The following IGDCC3 variants were observed in gnomAD, a reference collection of about 807,000 sequenced individuals.
The protein encoded by IGDCC3 is immunoglobulin superfamily DCC subclass member 3.
Under a neutral mutation model 72.0 loss-of-function variants are expected in IGDCC3, and 47 were observed. The ratio of observed to expected loss-of-function variants is 0.65; its 90% CI spans 0.52 to 0.83. The LOEUF is 0.83. IGDCC3 is among the 40% of genes least tolerant of loss of function. IGDCC3 has a pLI of 0.00. For synonymous variants in IGDCC3, 477 were observed against 472.8 expected (o/e 1.01, Z -0.11); for missense variants, 1,038 against 1,091.3 (o/e 0.95, Z 0.69).
intron 11 of IGDCC3, 71 bp downstream of exon 11, chr15:65,330,222 C>T: frequency 9.1e-7 from 1 of 1,102,680 alleles, no homozygotes; most frequent in Non-Finnish European, 1.4e-6. Flanking sequence ...AAGCGTGGCA[C>T]ATGCTATCTC....
chr15:65,374,487 G>A (rs1395630342), intron 2 of IGDCC3, among the ~76,000 whole-genome samples: 1 of 152,096 alleles, frequency 6.6e-6, no homozygotes, highest in African/African-American at 2.4e-5. Context: ...ATCTTGCCTC[G>A]CCTTTTCTCT....
intron 2 of IGDCC3, among the ~76,000 whole-genome samples, chr15:65,374,303 G>T (rs1213057932): frequency 2.0e-5 from 3 of 151,988 alleles, no homozygotes; most frequent in Admixed American, 6.6e-5. Context: ...CCCACAGCTC[G>T]CCACCTCCCT....
chr15:65,358,190 C>T (rs2091238197), intron 2 of IGDCC3, among the ~76,000 whole-genome samples: 1 of 151,480 alleles, frequency 6.6e-6, no homozygotes, highest in African/African-American at 2.4e-5. Context: ...ACTGCAGCCT[C>T]AACCTCTCAG....
chr15:65,347,937 A>AAAC (rs138666608), intron 2 of IGDCC3, among the ~76,000 whole-genome samples: 41,434 of 150,578 alleles, frequency 0.28, 5,884 homozygotes, highest in East Asian at 0.45. Context: ...ATTTCATCTC[A>AAAC]AACAACAACA....
At chr15:65,370,604 G>GTA (rs201787651) in intron 2 of IGDCC3, among the ~76,000 whole-genome samples, 16,901 of 105,692 alleles carry the variant, frequency 0.16, 1,311 homozygotes, top group African/African-American at 0.23. Context: ...ATATGTATGT[G>GTA]TATATATATG....
intron 4 of IGDCC3, 147 bp downstream of exon 4, chr15:65,335,144 C>A: frequency 1.1e-6 from 1 of 905,434 alleles, no homozygotes. Flanking sequence ...TCCTGTGCAC[C>A]CTCACGCCAG....
chr15:65,360,417 A>C (rs1011737698), intron 2 of IGDCC3, among the ~76,000 whole-genome samples: 3 of 152,240 alleles, frequency 2.0e-5, no homozygotes, highest in African/African-American at 7.2e-5. Context: ...AATGGAGTCA[A>C]GAATATTCTA....
chr15:65,377,517 C>A lies in IGDCC3; in HGVS notation c.103+169G>T, dbSNP rs991883406. On this transcript the variant is annotated intron_variant, in intron 1 of 13. Transcript: ENST00000327987. This position sits in a 1 kb window ranked among gnomAD's most constrained non-coding sequence, Gnocchi z 4.9. ...CACGCCCCTAGGGCCCCCAGCAGTCCGGCCTTGGTACCCTCTCCCCGTCCG... is the reference window on the plus strand; with the variant it reads ...CACGCCCCTAGGGCCCCCAGCAGTCAGGCCTTGGTACCCTCTCCCCGTCCG... 6.6e-6 allele frequency among the ~76,000 whole-genome samples: 1 copy of A among 152,170 alleles called. No homozygotes were observed. The highest frequency in any genetic ancestry group is 1.5e-5 in the Non-Finnish European group (1 of 68,008).
intron 5 of IGDCC3, among the ~76,000 whole-genome samples, chr15:65,333,624 TC>T (rs2090999061): frequency 6.6e-6 from 1 of 152,156 alleles, no homozygotes; most frequent in Non-Finnish European, 1.5e-5. Context: ...GGAGACCCTG[TC>T]CTGACCCTAG....
chr15:65,330,232 C>T, intron 11 of IGDCC3, 61 bp downstream of exon 11: 1 of 1,216,682 alleles, frequency 8.2e-7, no homozygotes, highest in Non-Finnish European at 1.2e-6. Flanking sequence ...CATGCTATCT[C>T]ACCCCATTAC....
chr15:65,360,031 G>C (rs1253581054), intron 2 of IGDCC3, among the ~76,000 whole-genome samples: 1 of 152,136 alleles, frequency 6.6e-6, no homozygotes, highest in Non-Finnish European at 1.5e-5. Flanking sequence ...TCTAGGCCAA[G>C]CCCTGAGGGT....
chr15:65,327,525 A>C lies in IGDCC3; in HGVS notation c.*1384T>G, dbSNP rs572448371. On this transcript the variant is annotated 3_prime_UTR_variant, in exon 14 of 14. Transcript: ENST00000327987. ...ACACTTATCTTTTTTCTTTAAAAAA[A>C]GTTTTTCTTCTGCTATTTAAAAAAA... The C allele has an allele frequency of 1.3e-5, 2 of 152,310 alleles. No individual in the cohort carries two copies. The highest frequency in any genetic ancestry group is 4.1e-4 in the South Asian group (2 of 4,824). 9.4% of individuals were successfully genotyped at this position (152,310 alleles called of 1,614,324 possible).
chr15:65,377,907 G>GCCTGGGCT lies in IGDCC3; in HGVS notation c.-120_-119insAGCCCAGG. On this transcript the variant is annotated 5_prime_UTR_variant, in exon 1 of 14. An upstream open reading frame in the 5' UTR loses its in-frame stop. Coordinates refer to ENST00000327987, the MANE Select transcript of IGDCC3 (RefSeq NM_004884.4). This position sits in a 1 kb window ranked among gnomAD's most constrained non-coding sequence, Gnocchi z 4.9. ...GGGCTCCGGCCGGGGCCGAGCCCAG[G>GCCTGGGCT]CGGTGGGGGACTGGGGCCGCATGCC... 1 of 948,772 alleles carries GCCTGGGCT rather than the reference G, an allele frequency of 1.1e-6. No homozygotes were observed. Among genetic ancestry groups the GCCTGGGCT allele is most frequent in the Non-Finnish European group, 1.3e-6 (1 of 789,652 alleles). The allele number at this position is 948,772 out of a possible 1,614,324, so 58.8% of individuals were successfully genotyped here.
At chr15:65,343,685 C>A (rs1008941832) in intron 2 of IGDCC3, among the ~76,000 whole-genome samples, 1 of 152,194 alleles carries the variant, frequency 6.6e-6, no homozygotes, top group African/African-American at 2.4e-5. Context: ...CTGGCCTCCA[C>A]GCAGACCCAC....
At chr15:65,351,260 G>C (rs2091170520) in intron 2 of IGDCC3, among the ~76,000 whole-genome samples, 1 of 152,222 alleles carries the variant, frequency 6.6e-6, no homozygotes, top group Admixed American at 6.5e-5. Flanking sequence ...TTACCGGCTG[G>C]GCGCAGTGGC....
intron 3 of IGDCC3, 102 bp from the exon 4 acceptor site, chr15:65,335,523 C>T: frequency 8.2e-7 from 1 of 1,214,132 alleles, no homozygotes; most frequent in Non-Finnish European, 1.2e-6. Flanking sequence ...CTAAGCACTG[C>T]ACCATCCCAA....
At chr15:65,369,813 A>T (rs2091312219) in intron 2 of IGDCC3, among the ~76,000 whole-genome samples, 1 of 152,038 alleles carries the variant, frequency 6.6e-6, no homozygotes, top group Non-Finnish European at 1.5e-5. Context: ...GGGCACCCTA[A>T]ATACCAGGCT....
intron 2 of IGDCC3, among the ~76,000 whole-genome samples, chr15:65,365,799 A>C (rs1013443569): frequency 2.0e-5 from 3 of 152,332 alleles, no homozygotes; most frequent in East Asian, 3.9e-4. Context: ...GGCCGGGCAC[A>C]GTGGTTCACA....
intron 2 of IGDCC3, among the ~76,000 whole-genome samples, chr15:65,354,412 A>G (rs2091197915): frequency 6.6e-6 from 1 of 151,690 alleles, no homozygotes; most frequent in Non-Finnish European, 1.5e-5. Flanking sequence ...TCTGCCTACA[A>G]CTCTGTTGCC....
Sources: allele counts gnomAD v4.1 joint callset (sites outside exome capture counted in the v4.1 genomes callset), GRCh38; gene constraint gnomAD v4.1.1; non-coding constraint Gnocchi (gnomAD v3.1); transcripts MANE v1.5; gene names NCBI Gene and HGNC (gene_info 2026-07-23, HGNC 2026-07-21).